Variants in YTHDC2 observed in about 807,000 individuals in gnomAD.
The protein encoded by YTHDC2 is 3'-5' RNA helicase YTHDC2.
A neutral mutation model predicts 174.9 loss-of-function variants in YTHDC2; 45 were observed. That is an observed-to-expected ratio of 0.26 (90% confidence interval 0.20 to 0.33). The LOEUF (loss-of-function observed/expected upper bound fraction) is 0.33. YTHDC2 is among the 10% of genes least tolerant of loss of function. The pLI, the probability that YTHDC2 is intolerant of heterozygous loss-of-function variation, is 1.00. For synonymous variants in YTHDC2, 657 were observed against 574.5 expected, an observed-to-expected ratio of 1.14 and a Z score of -2.05; for missense variants, 1,650 against 1,723.7, an observed-to-expected ratio of 0.96 and a Z score of 0.76.
rs1774120402 is a variant in YTHDC2, at chr5:113,525,037, A to G, written c.335A>G (p.His112Arg). ...VKKKDGSETA[H>R]AMMTCNLTHN... Reference sequence around the variant, plus strand: ...AAGAAAGATGGATCAGAAACAGCTCATGCAATGATGACCTGTAATTTGACT... The same window carrying G: ...AAGAAAGATGGATCAGAAACAGCTCGTGCAATGATGACCTGTAATTTGACT... Residue 112 changes from histidine to arginine, a missense_variant, in exon 3 of 30, where the codon CAT becomes CGT. Transcript: ENST00000161863. The G allele has an allele frequency of 6.2e-7, 1 of 1,611,648 alleles. No homozygotes were observed. The highest frequency in any genetic ancestry group is 1.7e-5 in the Admixed American group (1 of 59,662).
chr5:113,531,179 G>A (rs1232853233), intron 4 of YTHDC2, among the ~76,000 whole-genome samples: 1 of 151,512 alleles, frequency 6.6e-6, no homozygotes, highest in Non-Finnish European at 1.5e-5. Context: ...AATATTTGTT[G>A]GTGGTACTTA....
chr5:113,567,359 A>G (rs1300241349), intron 22 of YTHDC2, 62 bp downstream of exon 22: 1 of 1,333,360 alleles, frequency 7.5e-7, no homozygotes, highest in African/African-American at 1.5e-5. Context: ...TTCACTATCA[A>G]TGAAAAATGC....
chr5:113,524,972 AAT>A lies in YTHDC2; in HGVS notation c.279-6_279-5del. 1.3e-6 allele frequency: 2 copies of A among 1,564,284 alleles called. No individual in the cohort carries two copies. Among genetic ancestry groups the A allele is most frequent in the Non-Finnish European group, 1.7e-6 (2 of 1,158,506 alleles). On this transcript the variant is annotated splice_region_variant and splice_polypyrimidine_tract_variant and intron_variant, in intron 2 of 29. Coordinates refer to ENST00000161863, the MANE Select transcript of YTHDC2 (RefSeq NM_022828.5). Reference sequence around the variant, plus strand: ...ATATAGTAAATAAATGATTTTTATTAATATTCAGAAAGGGAGCAAATAGATAC... The same window carrying A: ...ATATAGTAAATAAATGATTTTTATTAATTCAGAAAGGGAGCAAATAGATAC...
chr5:113,593,759 T>G lies in YTHDC2; in HGVS notation c.*285T>G, dbSNP rs1186704709. The G allele has an allele frequency of 6.3e-6, 1 of 157,490 alleles. No homozygotes were observed. The highest frequency in any genetic ancestry group is 1.4e-5 in the Non-Finnish European group (1 of 71,166). 9.8% of individuals were successfully genotyped at this position (157,490 alleles called of 1,614,324 possible). Reference sequence around the variant, plus strand: ...AACAAACAATTTGAAGTTAAACATTTCATTTTTAAAAACACTGAATTACAG... The same window carrying G: ...AACAAACAATTTGAAGTTAAACATTGCATTTTTAAAAACACTGAATTACAG... On this transcript the variant is annotated 3_prime_UTR_variant, in exon 30 of 30. Coordinates refer to ENST00000161863, the MANE Select transcript of YTHDC2 (RefSeq NM_022828.5).
chr5:113,519,417 T>A (rs1773708534), intron 2 of YTHDC2, among the ~76,000 whole-genome samples: 1 of 151,988 alleles, frequency 6.6e-6, no homozygotes, highest in African/African-American at 2.4e-5. Context: ...TTTGGCTTGT[T>A]TATAATGAAA....
chr5:113,531,210 C>T (rs982886932), intron 4 of YTHDC2, among the ~76,000 whole-genome samples: 3 of 152,174 alleles, frequency 2.0e-5, no homozygotes, highest in Non-Finnish European at 2.9e-5. Context: ...CTTCTGTATG[C>T]TGGGTTCTGA....
intron 23 of YTHDC2, 148 bp from the exon 24 acceptor site, chr5:113,579,438 A>G (rs1778259758): frequency 2.1e-6 from 1 of 483,130 alleles, no homozygotes; most frequent in Non-Finnish European, 3.7e-6. Context: ...GAGATTTAAC[A>G]TGTGATCTTT....
intron 26 of YTHDC2, among the ~76,000 whole-genome samples, chr5:113,586,918 TAA>T (rs1382013229): frequency 1.3e-3 from 160 of 123,908 alleles, no homozygotes; most frequent in African/African-American, 4.7e-3. Context: ...TATTCATATA[TAA>T]TATATAAATA....
chr5:113,576,177 T>G (rs1368986825), intron 23 of YTHDC2, among the ~76,000 whole-genome samples: 1 of 152,166 alleles, frequency 6.6e-6, no homozygotes, highest in African/African-American at 2.4e-5. Flanking sequence ...AATACAAATT[T>G]GGAAGTCATC....
At chr5:113,533,071 T>C in intron 5 of YTHDC2, 26 bp downstream of exon 5, 1 of 1,602,232 alleles carries the variant, frequency 6.2e-7, no homozygotes, top group Middle Eastern at 1.7e-4. Context: ...ATGTATCTTC[T>C]CTTTTATCAT....
chr5:113,588,067 C>T (rs1330467300), intron 26 of YTHDC2, among the ~76,000 whole-genome samples: 3 of 151,966 alleles, frequency 2.0e-5, no homozygotes, highest in Non-Finnish European at 4.4e-5. Context: ...TATACAAATA[C>T]ATTTGATATT....
chr5:113,550,250 G>T (rs1392480532), intron 12 of YTHDC2, among the ~76,000 whole-genome samples: 1 of 151,974 alleles, frequency 6.6e-6, no homozygotes, highest in African/African-American at 2.4e-5. Flanking sequence ...AACAGAAGAT[G>T]TGGGGCTCTA....
intron 17 of YTHDC2, among the ~76,000 whole-genome samples, chr5:113,560,139 C>A (rs1776862771): frequency 1.3e-5 from 2 of 152,182 alleles, no homozygotes; most frequent in African/African-American, 4.8e-5. Flanking sequence ...TGTGGGAAAT[C>A]ATTAGGCATC....
At chr5:113,577,711 G>T (rs13359703) in intron 23 of YTHDC2, among the ~76,000 whole-genome samples, 1 of 151,930 alleles carries the variant, frequency 6.6e-6, no homozygotes, top group Admixed American at 6.6e-5. Context: ...AGGAAATTTA[G>T]TATCTTTTAA....
rs185928501 is a variant in YTHDC2 at position 113,515,301 on chromosome 5, A to G, written c.217A>G (p.Thr73Ala). The G allele has an allele frequency of 2.4e-4, 394 of 1,612,472 alleles. 3 individuals carry two copies. In the South Asian group the frequency reaches 4.1e-3, roughly 17 times the overall value. Residue 73 changes from threonine (T) to alanine (A), a missense_variant, in exon 2 of 30, where the codon ACT becomes GCT. Coordinates refer to ENST00000161863, the MANE Select transcript of YTHDC2 (RefSeq NM_022828.5). ...GGAATTTCCTTCTTCTTTGACCAGT[A>G]CTGAAAGAGCCTTTATTCATCGACT... ...EMEFPSSLTSTERAFIHRLSQ... is the reference protein window; with the variant it reads ...EMEFPSSLTSAERAFIHRLSQ...
At chr5:113,558,785 G>C (rs903782625) in intron 17 of YTHDC2, among the ~76,000 whole-genome samples, 1 of 151,910 alleles carries the variant, frequency 6.6e-6, no homozygotes, top group Non-Finnish European at 1.5e-5. Flanking sequence ...AGCCAGGTGT[G>C]GGGGTGGGCA....
intron 1 of YTHDC2, 90 bp from the exon 2 acceptor site, chr5:113,515,178 CTATG>C (rs1773320636): frequency 1.3e-6 from 1 of 791,224 alleles, no homozygotes; most frequent in Non-Finnish European, 2.1e-6. Context: ...ATTTGATTGT[CTATG>C]TATGTTTTTC....
In YTHDC2 at chr5:113,588,356, C is replaced by T. The variant is rs1483619540; in HGVS notation, c.3826-2685C>T. On this transcript the variant is annotated intron_variant, in intron 26 of 29. Transcript: ENST00000161863. ...TTCTTATGTTTATACCCCACTTGGT[C>T]ATGGTGTTATTTTTATATATTGCTG... Among the ~76,000 whole-genome samples the T allele has an allele frequency of 3.9e-5, 6 of 151,952 alleles. No homozygotes were observed. In the East Asian group the frequency reaches 9.7e-4, roughly 24 times the overall value.
chr5:113,543,067 A>G (rs1775599842), intron 10 of YTHDC2, among the ~76,000 whole-genome samples: 1 of 152,040 alleles, frequency 6.6e-6, no homozygotes, highest in Admixed American at 6.6e-5. Flanking sequence ...CCTTAATTCT[A>G]TTTATACTTA....
Sources: gnomAD v4.1 joint callset for allele counts (sites outside exome capture counted in the v4.1 genomes callset) on GRCh38, gnomAD v4.1.1 for gene constraint, MANE v1.5 for transcripts, NCBI Gene and HGNC (gene_info 2026-07-23, HGNC 2026-07-21) for gene names.